PRKG1: variants seen among roughly 807,000 people sequenced by gnomAD.
The protein encoded by PRKG1 is cGMP-dependent protein kinase 1.
A neutral mutation model predicts 88.1 loss-of-function variants in PRKG1; 35 were observed. The ratio of observed to expected loss-of-function variants is 0.40; its 90% CI spans 0.30 to 0.53. The LOEUF is 0.53. Ranked by LOEUF, PRKG1 falls within the 20% of genes least tolerant of loss-of-function variation. The probability of loss-of-function intolerance (pLI) is 0.59; values close to 1 mark genes in which losing one functional copy is unlikely to be tolerated. For missense variants in PRKG1, 540 were observed against 839.8 expected (o/e 0.64, Z 4.41); for synonymous variants, 303 against 292.5 (o/e 1.04, Z -0.37).
At chr10:51,529,979 T>C (rs1841979281) in intron 3 of PRKG1, among the ~76,000 whole-genome samples, 1 of 152,222 alleles carries the variant, frequency 6.6e-6, no homozygotes, top group Non-Finnish European at 1.5e-5. Flanking sequence ...TTAAGTAGCC[T>C]GGAGATGCTT....
At chr10:51,495,122 T>C (rs1302098582) in intron 3 of PRKG1, among the ~76,000 whole-genome samples, 2 of 151,760 alleles carry the variant, frequency 1.3e-5, no homozygotes, top group African/African-American at 4.8e-5. Context: ...TAAGACAGAG[T>C]CTCGCTCTGT....
chr10:51,697,924 ACCT>A (rs1330104049), intron 3 of PRKG1: 1 of 1,599,938 alleles, frequency 6.3e-7, no homozygotes, highest in South Asian at 1.1e-5. Context: ...CTCCTTGTAT[ACCT>A]CCTCCTTGTA....
intron 2 of PRKG1, among the ~76,000 whole-genome samples, chr10:51,314,788 CTG>C (rs1290131434): frequency 2.6e-5 from 4 of 152,282 alleles, no homozygotes; most frequent in South Asian, 2.1e-4. Context: ...TCTGTGGACT[CTG>C]TGAAATTTTC....
At chr10:51,330,599 C>T (rs900144425) in intron 2 of PRKG1, among the ~76,000 whole-genome samples, 11 of 152,164 alleles carry the variant, frequency 7.2e-5, no homozygotes, top group Non-Finnish European at 1.3e-4. Flanking sequence ...GTTTCTTCTG[C>T]ATGATCTTTT....
intron 3 of PRKG1, among the ~76,000 whole-genome samples, chr10:51,675,030 T>A (rs897966357): frequency 6.6e-6 from 1 of 152,198 alleles, no homozygotes; most frequent in Non-Finnish European, 1.5e-5. Flanking sequence ...TATCTAAAGA[T>A]GGAACTACTA....
intron 5 of PRKG1, among the ~76,000 whole-genome samples, chr10:51,924,643 T>C (rs1842532900): frequency 6.6e-6 from 1 of 152,120 alleles, no homozygotes; most frequent in Non-Finnish European, 1.5e-5. Flanking sequence ...CTAATGTTCT[T>C]TTTTATCATG....
chr10:51,647,474 A>G (rs1167784371), intron 3 of PRKG1, among the ~76,000 whole-genome samples: 1 of 152,184 alleles, frequency 6.6e-6, no homozygotes, highest in Non-Finnish European at 1.5e-5. Context: ...TGGCTAAATC[A>G]CTAAACAACT....
chr10:51,550,552 G>A (rs557732511), intron 3 of PRKG1, among the ~76,000 whole-genome samples: 2 of 151,870 alleles, frequency 1.3e-5, no homozygotes, highest in Non-Finnish European at 1.5e-5. Context: ...CAAAATGCTA[G>A]TTTTCAAACT....
At chr10:52,196,456 T>C (rs1290852387) in intron 9 of PRKG1, among the ~76,000 whole-genome samples, 1 of 152,182 alleles carries the variant, frequency 6.6e-6, no homozygotes, top group Non-Finnish European at 1.5e-5. Context: ...AGGAAAAGAA[T>C]GCACAAAATG....
At chr10:50,999,003 T>C (rs1842861665) in intron 1 of PRKG1, among the ~76,000 whole-genome samples, 1 of 152,200 alleles carries the variant, frequency 6.6e-6, no homozygotes, top group Admixed American at 6.5e-5. Context: ...GTATACTATG[T>C]TGATTTTATT....
At chr10:52,251,879 C>G (rs1266681127) in intron 10 of PRKG1, 1 of 453,896 alleles carries the variant, frequency 2.2e-6, no homozygotes, top group Non-Finnish European at 3.9e-6. Context: ...TAAAATAACA[C>G]CTTGCTTTTT....
chr10:52,162,615 G>T (rs941186426), intron 9 of PRKG1, among the ~76,000 whole-genome samples: 1 of 151,932 alleles, frequency 6.6e-6, no homozygotes, highest in Non-Finnish European at 1.5e-5. Context: ...CATACCTAAA[G>T]GATTAAATTG....
chr10:51,580,683 C>T (rs72795195), intron 3 of PRKG1, among the ~76,000 whole-genome samples: 7,121 of 151,350 alleles, frequency 0.047, 238 homozygotes, highest in South Asian at 0.12. Flanking sequence ...TGAGGGGCAG[C>T]TATTTTTTAT....
At chr10:51,746,765 A>AAAAAG (rs542475929) in intron 3 of PRKG1, among the ~76,000 whole-genome samples, 1,555 of 152,096 alleles carry the variant, frequency 0.01, 7 homozygotes, top group Non-Finnish European at 0.017. Flanking sequence ...AGAAAGAAAA[A>AAAAAG]AAAAGAAAAG....
At chr10:51,806,049 C>A (rs1018676469) in intron 4 of PRKG1, among the ~76,000 whole-genome samples, 1 of 151,866 alleles carries the variant, frequency 6.6e-6, no homozygotes, top group Admixed American at 6.6e-5. Context: ...TGTGTCTATA[C>A]GTATGTTGTG....
chr10:51,511,598 A>G (rs943997714), intron 3 of PRKG1, among the ~76,000 whole-genome samples: 5 of 152,238 alleles, frequency 3.3e-5, no homozygotes, highest in African/African-American at 4.8e-5. Flanking sequence ...GGTTAACCTT[A>G]TTAGTCATAG....
At chr10:51,083,117 A>G (rs142162499) in intron 1 of PRKG1, among the ~76,000 whole-genome samples, 347 of 152,274 alleles carry the variant, frequency 2.3e-3, no homozygotes, top group Middle Eastern at 6.8e-3. Context: ...CAGTGGAGCC[A>G]GGCAGCTTCA....
At chr10:51,064,196 T>A (rs1020712422) in intron 1 of PRKG1, among the ~76,000 whole-genome samples, 1 of 152,102 alleles carries the variant, frequency 6.6e-6, no homozygotes, top group African/African-American at 2.4e-5. Context: ...TTTAATTACA[T>A]ATGTTTTTCC....
intron 5 of PRKG1, among the ~76,000 whole-genome samples, chr10:52,038,746 C>T (rs1038962009): frequency 5.9e-4 from 90 of 152,208 alleles, no homozygotes; most frequent in African/African-American, 1.6e-3. Context: ...ATCAGAGAGG[C>T]GTCCCTGCAA....
Sources: allele counts gnomAD v4.1 joint callset (sites outside exome capture counted in the v4.1 genomes callset), GRCh38; gene constraint gnomAD v4.1.1; transcripts MANE v1.5; gene names NCBI Gene and HGNC (gene_info 2026-07-23, HGNC 2026-07-21).